The following PPP2R5D variants were observed in gnomAD, a reference collection of about 807,000 sequenced individuals.
The protein encoded by PPP2R5D is serine/threonine-protein phosphatase 2A 56 kDa regulatory subunit delta isoform.
Under a neutral mutation model 79.1 loss-of-function variants are expected in PPP2R5D, and 12 were observed. That is an observed-to-expected ratio of 0.15 (90% CI 0.10 to 0.25). The LOEUF (loss-of-function observed/expected upper bound fraction) is 0.25, where lower values mean the gene tolerates loss of function less well. PPP2R5D is among the 10% of genes least tolerant of loss of function. PPP2R5D has a pLI of 1.00. For synonymous variants in PPP2R5D, 277 were observed against 286.6 expected (o/e 0.97, Z 0.34); for missense variants, 419 against 760.2 (o/e 0.55, Z 5.28).
chr6:43,007,603 G>T lies in PPP2R5D; in HGVS notation c.726+97G>T. 8.3e-7 allele frequency: 1 copy of T among 1,209,208 alleles called. No individual in the cohort carries two copies. The highest frequency in any genetic ancestry group is 1.2e-5 in the South Asian group (1 of 81,170). The allele number at this position is 1,209,208 out of a possible 1,614,324, so 74.9% of individuals were successfully genotyped here. ...CTTTCCCCTTAAGCTGAATATATTG[G>T]GTTTCATCCATGTCTGGTACGAGGA... On this transcript the variant is annotated intron_variant, in intron 6 of 15. Coordinates refer to ENST00000485511, the MANE Select transcript of PPP2R5D (RefSeq NM_006245.4). This position sits in a 1 kb window ranked among gnomAD's most constrained non-coding sequence, Gnocchi z 4.5.
At chr6:42,998,053 A>AAT (rs1771905731) in intron 2 of PPP2R5D, among the ~76,000 whole-genome samples, 1 of 18,606 alleles carries the variant, frequency 5.4e-5, no homozygotes, top group Non-Finnish European at 1.0e-4. Flanking sequence ...ATATATATAT[A>AAT]TATATTTTTT....
In PPP2R5D at chr6:43,010,633, G is replaced by A; in HGVS notation, c.1482-31G>A. On this transcript the variant is annotated intron_variant, in intron 13 of 15. Transcript: ENST00000485511. The surrounding 1 kb of genome is among the most constrained non-coding windows in gnomAD (Gnocchi z 4.7). ...CACCAGCTCACTGTGTTTCTCTCAA[G>A]CCCAACCCCAATCCTACTTTTGCTC... is the stretch of plus-strand genomic sequence containing the variant. 3 of 1,613,842 alleles carry A rather than the reference G, an allele frequency of 1.9e-6. No individual in the cohort carries two copies. Among genetic ancestry groups the A allele is most frequent in the Middle Eastern group, 1.6e-4 (1 of 6,062 alleles).
At position 43,012,273 on chromosome 6, in the gene PPP2R5D, T is replaced by C; in HGVS notation, c.*987T>C. ...GCTTTATTCTCCACAGAGTGATACA[T>C]GCTAAGGTGGGTTGGGCTTGGACCG... is the stretch of plus-strand genomic sequence containing the variant. On this transcript the variant is annotated 3_prime_UTR_variant, in exon 16 of 16. Coordinates refer to ENST00000485511, the MANE Select transcript of PPP2R5D (RefSeq NM_006245.4). 1 of 1,355,234 alleles carries C rather than the reference T, an allele frequency of 7.4e-7. No individual in the cohort carries two copies. Among genetic ancestry groups the C allele is most frequent in the Non-Finnish European group, 9.5e-7 (1 of 1,052,756 alleles). The allele number at this position is 1,355,234 out of a possible 1,614,324, so 84.0% of individuals were successfully genotyped here.
At chr6:43,001,364 C>T (rs764952567) in intron 2 of PPP2R5D, among the ~76,000 whole-genome samples, 21 of 152,180 alleles carry the variant, frequency 1.4e-4, no homozygotes, top group Middle Eastern at 6.8e-3. Flanking sequence ...GTCTTGAACT[C>T]CCAACCTCAG....
chr6:43,008,155 G>T lies in PPP2R5D; in HGVS notation c.858-46G>T. 6.2e-7 allele frequency: 1 copy of T among 1,613,818 alleles called. No individual in the cohort carries two copies. Among genetic ancestry groups the T allele is most frequent in the East Asian group, 2.2e-5 (1 of 44,880 alleles). On this transcript the variant is annotated intron_variant, in intron 7 of 15. Coordinates refer to ENST00000485511, the MANE Select transcript of PPP2R5D (RefSeq NM_006245.4). The surrounding 1 kb of genome is among the most constrained non-coding windows in gnomAD (Gnocchi z 4.2). ...AGGTGGGGGGACTGTACAGAATGCT[G>T]GAGGGACATCAGGGGTTGTCAAGAG... is the stretch of plus-strand genomic sequence containing the variant.
At chr6:43,000,093 G>A (rs377196413) in intron 2 of PPP2R5D, among the ~76,000 whole-genome samples, 11 of 151,136 alleles carry the variant, frequency 7.3e-5, no homozygotes, top group African/African-American at 2.7e-4. Context: ...CCGCCACCAC[G>A]CCCAGCTAAT....
At chr6:42,989,815 GGACAGCCCATCCA>G in intron 2 of PPP2R5D, 127 bp downstream of exon 2, 1 of 902,668 alleles carries the variant, frequency 1.1e-6, no homozygotes, top group Non-Finnish European at 1.7e-6. Context: ...GGAGGGACCT[GGACAGCCCATCCA>G]GACTGCCCTC....
rs567952891 is a variant in PPP2R5D at position 43,009,507 on chromosome 6, A to G, written c.1379+58A>G. 6 of 1,608,602 alleles carry G rather than the reference A, an allele frequency of 3.7e-6. No homozygotes were observed. The highest frequency in any genetic ancestry group is 1.1e-5 in the South Asian group (1 of 90,896). On this transcript the variant is annotated intron_variant, in intron 12 of 15. Coordinates refer to ENST00000485511, the MANE Select transcript of PPP2R5D (RefSeq NM_006245.4). The surrounding 1 kb of genome is among the most constrained non-coding windows in gnomAD (Gnocchi z 5.6). ...ATCCAGTTTGGGAAACTTTGAGGGT[A>G]TGGAAGAACTAAAGAGCCAGGGGTC...
At chr6:42,996,201 C>T (rs1214188726) in intron 2 of PPP2R5D, among the ~76,000 whole-genome samples, 2 of 149,742 alleles carry the variant, frequency 1.3e-5, no homozygotes, top group African/African-American at 4.9e-5. Flanking sequence ...CGGTGGTTCA[C>T]ACCTGTAATC....
rs1271244998 is a variant in PPP2R5D, at chr6:43,009,517, T to C, written c.1379+68T>C. 3.7e-6 allele frequency: 6 copies of C among 1,601,124 alleles called. No homozygotes were observed. Among genetic ancestry groups the C allele is most frequent in the Non-Finnish European group, 5.1e-6 (6 of 1,171,590 alleles). On this transcript the variant is annotated intron_variant, in intron 12 of 15. Transcript: ENST00000485511. This position sits in a 1 kb window ranked among gnomAD's most constrained non-coding sequence, Gnocchi z 5.6. ...GGAAACTTTGAGGGTATGGAAGAAC[T>C]AAAGAGCCAGGGGTCTCACCTAGTC...
chr6:42,990,217 G>A (rs188796898), intron 2 of PPP2R5D, among the ~76,000 whole-genome samples: 4 of 152,328 alleles, frequency 2.6e-5, no homozygotes, highest in Admixed American at 2.6e-4. Context: ...ACAGCAAGCC[G>A]AGAGAACACC....
chr6:43,011,022 G>A (rs755015229), intron 15 of PPP2R5D, 25 bp downstream of exon 15: 2 of 1,610,040 alleles, frequency 1.2e-6, no homozygotes, highest in African/African-American at 1.3e-5. Context: ...TAGGGGGATG[G>A]AGCAGAAATA....
chr6:42,988,969 C>T (rs949112594), intron 1 of PPP2R5D, among the ~76,000 whole-genome samples: 1 of 152,204 alleles, frequency 6.6e-6, no homozygotes, highest in Non-Finnish European at 1.5e-5. Flanking sequence ...AGACTTCAGA[C>T]TAGTGCTCAC....
intron 1 of PPP2R5D, among the ~76,000 whole-genome samples, chr6:42,989,170 G>C (rs751226305): frequency 6.6e-6 from 1 of 152,180 alleles, no homozygotes; most frequent in Non-Finnish European, 1.5e-5. Flanking sequence ...AGTCTTTCCA[G>C]GTGGCTGTGA....
At position 43,010,859 on chromosome 6, in the gene PPP2R5D, T is replaced by C. The variant is rs1762318801; in HGVS notation, c.1555-22T>C. The C allele has an allele frequency of 1.2e-6, 2 of 1,608,384 alleles. No individual in the cohort carries two copies. The highest frequency in any genetic ancestry group is 1.7e-5 in the Admixed American group (1 of 59,774). On this transcript the variant is annotated intron_variant, in intron 14 of 15. Coordinates refer to ENST00000485511, the MANE Select transcript of PPP2R5D (RefSeq NM_006245.4). This position sits in a 1 kb window ranked among gnomAD's most constrained non-coding sequence, Gnocchi z 4.7. ...AAGCCTCTGAAGTGGCTCTTAACGC[T>C]TGTCCATGTCTCCTCACTCAGTATC...
Position 43,010,751 on chromosome 6 carries a change from C to G in PPP2R5D, c.1554+15C>G. ...TTAATCCCCAGGTGAGGTTTTCCTG[C>G]CACTGTTGTGAACTGAGGGGCCAGC... is the stretch of plus-strand genomic sequence containing the variant. On this transcript the variant is annotated intron_variant, in intron 14 of 15. Coordinates refer to ENST00000485511, the MANE Select transcript of PPP2R5D (RefSeq NM_006245.4). This position sits in a 1 kb window ranked among gnomAD's most constrained non-coding sequence, Gnocchi z 4.7. 1.2e-6 allele frequency: 2 copies of G among 1,613,674 alleles called. No homozygotes were observed. The highest frequency in any genetic ancestry group is 1.7e-6 in the Non-Finnish European group (2 of 1,179,616).
intron 1 of PPP2R5D, 65 bp downstream of exon 1, chr6:42,984,769 G>T: frequency 6.2e-7 from 1 of 1,606,346 alleles, no homozygotes; most frequent in Non-Finnish European, 8.5e-7. Flanking sequence ...GGAGGGGCCG[G>T]AGCCAGGCCC....
intron 1 of PPP2R5D, among the ~76,000 whole-genome samples, chr6:42,988,379 C>T (rs1259673297): frequency 6.6e-6 from 1 of 152,206 alleles, no homozygotes; most frequent in East Asian, 1.9e-4. Flanking sequence ...GAGCTTTCGG[C>T]TTCACTAGGT....
intron 2 of PPP2R5D, among the ~76,000 whole-genome samples, chr6:42,998,215 C>T (rs1478450012): frequency 6.7e-6 from 1 of 148,288 alleles, no homozygotes; most frequent in Non-Finnish European, 1.5e-5. Context: ...GCTGGGAATA[C>T]AGGTGCGTGC....
Sources: allele counts gnomAD v4.1 joint callset (sites outside exome capture counted in the v4.1 genomes callset), GRCh38; gene constraint gnomAD v4.1.1; non-coding constraint Gnocchi (gnomAD v3.1); transcripts MANE v1.5; gene names NCBI Gene and HGNC (gene_info 2026-07-23, HGNC 2026-07-21).